Variants in SEPTIN1 observed in about 807,000 individuals in gnomAD.
SEPTIN1 encodes the protein septin 1, also known as septin-1.
In SEPTIN1, 52 loss-of-function variants were observed where a neutral mutation model predicts 50.7. That is an observed-to-expected ratio of 1.03 (90% CI 0.82 to 1.29). SEPTIN1 has a LOEUF of 1.29. SEPTIN1 is among the 50% of genes most tolerant of loss of function. SEPTIN1 has a pLI of 0.00. For synonymous variants in SEPTIN1, 204 were observed against 189.1 expected, an observed-to-expected ratio of 1.08 and a Z score of -0.65; for missense variants, 455 against 490.7, an observed-to-expected ratio of 0.93 and a Z score of 0.69.
At position 30,381,224 on chromosome 16, in the gene SEPTIN1, G is replaced by C; in HGVS notation, c.476C>G (p.Ala159Gly). 1 of 1,614,004 alleles carries C rather than the reference G, an allele frequency of 6.2e-7. No individual in the cohort carries two copies. Among genetic ancestry groups the C allele is most frequent in the Non-Finnish European group, 8.5e-7 (1 of 1,179,978 alleles). Residue 159 changes from alanine to glycine, a missense_variant, in exon 6 of 11, where the codon GCC becomes GGC. Physicochemically the swap from Ala to Gly is moderately conservative, Grantham distance 60. Coordinates refer to ENST00000321367, the MANE Select transcript of SEPTIN1 (RefSeq NM_001365977.2). The surrounding 1 kb of genome is among the most constrained non-coding windows in gnomAD (Gnocchi z 4.3). ...FGRGLRPLDV[A>G]FLRAVHEKVN... ...TTTCTCGTGTACTGCCCGGAGGAAG[G>C]CCACATCTAGGGGCCGGAGCCTGCA...
intron 8 of SEPTIN1, 67 bp from the exon 9 acceptor site, chr16:30,379,250 C>T (rs1207803503): frequency 1.9e-6 from 3 of 1,584,908 alleles, no homozygotes; most frequent in East Asian, 4.5e-5. Flanking sequence ...CCGTAAGGGT[C>T]GGGTCTACAG....
upstream of SEPTIN1, chr16:30,382,593 G>A (rs1567426897): frequency 1.9e-6 from 3 of 1,562,380 alleles, no homozygotes; most frequent in African/African-American, 4.1e-5. This position sits in a 1 kb window ranked among gnomAD's most constrained non-coding sequence, Gnocchi z 4.8. Context: ...AGGAAGCTGA[G>A]TGCGGCTAAC....
At position 30,381,998 on chromosome 16, in the gene SEPTIN1, A is replaced by C; in HGVS notation, c.196+95T>G. 1 of 1,603,010 alleles carries C rather than the reference A, an allele frequency of 6.2e-7. No homozygotes were observed. The highest frequency in any genetic ancestry group is 1.1e-5 in the South Asian group (1 of 90,512). ...TCCCAGGGGAGGAAAGTCTCAGAAAAAAAGCAGTCAACTACCTGAGTCCCC... is the reference window on the plus strand; with the variant it reads ...TCCCAGGGGAGGAAAGTCTCAGAAACAAAGCAGTCAACTACCTGAGTCCCC... On this transcript the variant is annotated intron_variant, in intron 3 of 10. Transcript: ENST00000321367. This position sits in a 1 kb window ranked among gnomAD's most constrained non-coding sequence, Gnocchi z 4.3.
At chr16:30,378,773 G>A in intron 9 of SEPTIN1, 73 bp from the exon 10 acceptor site, 6 of 1,454,990 alleles carry the variant, frequency 4.1e-6, no homozygotes, top group South Asian at 1.2e-5. Context: ...AGGAGGCAGG[G>A]CCTGGGGCGA....
In SEPTIN1 at chr16:30,378,624, C is replaced by G. The variant is rs766212898; in HGVS notation, c.1018G>C (p.Glu340Gln). The change falls in exon 10 of 11, where the codon GAG (glutamate) becomes CAG (glutamine). Residue 340 changes from glutamate to glutamine, a missense_variant. Coordinates refer to ENST00000321367, the MANE Select transcript of SEPTIN1 (RefSeq NM_001365977.2). Reference sequence around the variant, plus strand: ...TGCGTGCTCACCTCTTCGTCTTTCTCGCGGATCAGCTTCTCGGTGTCCGCC... The same window carrying G: ...TGCGTGCTCACCTCTTCGTCTTTCTGGCGGATCAGCTTCTCGGTGTCCGCC... ...PLADTEKLIR[E>Q]KDEELRRMQE... The G allele has an allele frequency of 3.1e-6, 5 of 1,611,144 alleles. No individual in the cohort carries two copies. Among genetic ancestry groups the G allele is most frequent in the African/African-American group, 1.3e-5 (1 of 74,866 alleles).
chr16:30,382,790 A>T (rs964800514), upstream of SEPTIN1: 2 of 1,535,684 alleles, frequency 1.3e-6, no homozygotes, highest in African/African-American at 1.4e-5. The surrounding 1 kb of genome is among the most constrained non-coding windows in gnomAD (Gnocchi z 4.8). Flanking sequence ...TAGCTCCATC[A>T]TCGTGGTGAG....
chr16:30,378,334 C>T lies in SEPTIN1; in HGVS notation c.*100G>A. The T allele has an allele frequency of 8.4e-7, 1 of 1,189,036 alleles. No homozygotes were observed. The highest frequency in any genetic ancestry group is 1.2e-6 in the Non-Finnish European group (1 of 867,568). 73.7% of individuals were successfully genotyped at this position (1,189,036 alleles called of 1,614,324 possible). ...CCCCTAGCCCGCGCGAGGGCGGCAC[C>T]CGCGGAGGTCCCGGGGGGCGCTGGG... On this transcript the variant is annotated 3_prime_UTR_variant, in exon 11 of 11. Transcript: ENST00000321367.
chr16:30,379,239 C>G lies in SEPTIN1; in HGVS notation c.776-56G>C. On this transcript the variant is annotated intron_variant, in intron 8 of 10. Coordinates refer to ENST00000321367, the MANE Select transcript of SEPTIN1 (RefSeq NM_001365977.2). Reference sequence around the variant, plus strand: ...GTCAGGGAGTTTCGGGTCCAACCCACCCGTAAGGGTCGGGTCTACAGGAAA... The same window carrying G: ...GTCAGGGAGTTTCGGGTCCAACCCAGCCGTAAGGGTCGGGTCTACAGGAAA... 2.5e-6 allele frequency: 4 copies of G among 1,600,618 alleles called. No homozygotes were observed. In the Admixed American group the frequency reaches 6.7e-5, roughly 27 times the overall value.
chr16:30,379,843 G>T, intron 7 of SEPTIN1, 89 bp downstream of exon 7: 1 of 747,514 alleles, frequency 1.3e-6, no homozygotes, highest in Non-Finnish European at 2.3e-6. Flanking sequence ...CTGACCTCAG[G>T]GGATCCTCCC....
At position 30,378,481 on chromosome 16, in the gene SEPTIN1, G is replaced by C. The variant is rs2049783192; in HGVS notation, c.1072C>G (p.Gln358Glu). 3.2e-6 allele frequency: 5 copies of C among 1,576,646 alleles called. No homozygotes were observed. The highest frequency in any genetic ancestry group is 3.4e-6 in the Non-Finnish European group (4 of 1,162,656). Residue 358 changes from glutamine (Q) to glutamate (E), a missense_variant, in exon 11 of 11, where the codon CAA (glutamine) becomes GAA (glutamate). Transcript: ENST00000321367. ...MQEMLEKMQA[Q>E]MQQSQAQGEQ... is the part of the protein sequence containing the mutation. ...CCCTGGGCCTGGCTCTGCTGCATTT[G>C]GGCCTGCATCTTCTCCAGCATCTCT...
rs368818440 is a variant in SEPTIN1, at chr16:30,381,448, C to T, written c.346G>A (p.Glu116Lys). The T allele has an allele frequency of 1.4e-5, 23 of 1,613,834 alleles. No homozygotes were observed. The highest frequency in any genetic ancestry group is 1.8e-5 in the Non-Finnish European group (21 of 1,180,004). Residue 116 changes from glutamate (E) to lysine (K), a missense_variant, in exon 5 of 11, where the codon GAG (glutamate) becomes AAG (lysine). Glu to Lys is a moderately conservative substitution (Grantham distance 56). Transcript: ENST00000321367. The surrounding 1 kb of genome is among the most constrained non-coding windows in gnomAD (Gnocchi z 4.3). Reference sequence around the variant, plus strand: ...CTAAGGTACTGCTCAAATTGCTCCTCGATGAATTTCACCACCGGAAGCCAG... The same window carrying T: ...CTAAGGTACTGCTCAAATTGCTCCTTGATGAATTTCACCACCGGAAGCCAG... ...DCWLPVVKFI[E>K]EQFEQYLRDE...
rs1430855200 is a variant in SEPTIN1, at chr16:30,381,086, G to T, written c.573+41C>A. 4 of 1,466,532 alleles carry T rather than the reference G, an allele frequency of 2.7e-6. No individual in the cohort carries two copies. The highest frequency in any genetic ancestry group is 2.9e-6 in the Non-Finnish European group (3 of 1,045,258). 90.8% of individuals were successfully genotyped at this position (1,466,532 alleles called of 1,614,324 possible). ...AGAAGTCTAAGCTGAAATCAGGTTT[G>T]GCTTCACATGGGGTCAAAGGTCAGA... On this transcript the variant is annotated intron_variant, in intron 6 of 10. Coordinates refer to ENST00000321367, the MANE Select transcript of SEPTIN1 (RefSeq NM_001365977.2). This position sits in a 1 kb window ranked among gnomAD's most constrained non-coding sequence, Gnocchi z 4.3.
chr16:30,379,295 G>A (rs2049804925), intron 8 of SEPTIN1, 112 bp from the exon 9 acceptor site: 14 of 1,477,898 alleles, frequency 9.5e-6, no homozygotes, highest in Middle Eastern at 1.8e-4. Context: ...GAGGGTCCGC[G>A]GTCTGCAGCC....
Position 30,382,007 on chromosome 16 carries a change from C to G in SEPTIN1, c.196+86G>C, listed in dbSNP as rs923726327. The G allele has an allele frequency of 5.6e-6, 9 of 1,601,144 alleles. No homozygotes were observed. In the African/African-American group the frequency reaches 1.2e-4, roughly 21 times the overall value. On this transcript the variant is annotated intron_variant, in intron 3 of 10. Coordinates refer to ENST00000321367, the MANE Select transcript of SEPTIN1 (RefSeq NM_001365977.2). This position sits in a 1 kb window ranked among gnomAD's most constrained non-coding sequence, Gnocchi z 4.8. ...AGGAAAGTCTCAGAAAAAAAGCAGTCAACTACCTGAGTCCCCAGATGGAAA... is the reference window on the plus strand; with the variant it reads ...AGGAAAGTCTCAGAAAAAAAGCAGTGAACTACCTGAGTCCCCAGATGGAAA...
In SEPTIN1 at chr16:30,378,205, A is replaced by C. The variant is rs2049775743; in HGVS notation, c.*229T>G. Reference sequence around the variant, plus strand: ...AGAAGGGGGACTCCGGAAGACAGTGATGCGGTCGGAGATTGTGCAGGCCCC... The same window carrying C: ...AGAAGGGGGACTCCGGAAGACAGTGCTGCGGTCGGAGATTGTGCAGGCCCC... On this transcript the variant is annotated 3_prime_UTR_variant, in exon 11 of 11. Transcript: ENST00000321367. 1.5e-6 allele frequency: 1 copy of C among 688,542 alleles called. No homozygotes were observed. The highest frequency in any genetic ancestry group is 2.6e-6 in the Non-Finnish European group (1 of 384,668). 42.7% of individuals were successfully genotyped at this position (688,542 alleles called of 1,614,324 possible). A position where few individuals can be genotyped will look rare whatever the true frequency, so the allele number is the denominator to read the frequency against.
rs2049840277 is a variant in SEPTIN1, at chr16:30,381,054, A to C, written c.573+73T>G. 8.2e-7 allele frequency: 1 copy of C among 1,223,846 alleles called. No individual in the cohort carries two copies. The highest frequency in any genetic ancestry group is 2.3e-5 in the East Asian group (1 of 43,062). 75.8% of individuals were successfully genotyped at this position (1,223,846 alleles called of 1,614,324 possible). On this transcript the variant is annotated intron_variant, in intron 6 of 10. Coordinates refer to ENST00000321367, the MANE Select transcript of SEPTIN1 (RefSeq NM_001365977.2). The surrounding 1 kb of genome is among the most constrained non-coding windows in gnomAD (Gnocchi z 4.3). ...ACCATGCTCCAGAAAGGCCACTTCAAGATCAAAGAAGTCTAAGCTGAAATC... is the reference window on the plus strand; with the variant it reads ...ACCATGCTCCAGAAAGGCCACTTCACGATCAAAGAAGTCTAAGCTGAAATC...
Position 30,381,326 on chromosome 16 carries a change from C to T in SEPTIN1, c.455+13G>A, listed in dbSNP as rs773826832. 3 of 1,593,882 alleles carry T rather than the reference C, an allele frequency of 1.9e-6. No homozygotes were observed. The highest frequency in any genetic ancestry group is 2.2e-5 in the South Asian group (2 of 90,580). ...CCCTAAATGCGCCAGCCCCCAGGAT[C>T]CCCCCACCAGACCCCCGGCCGAAGG... is the stretch of plus-strand genomic sequence containing the variant. On this transcript the variant is annotated intron_variant, in intron 5 of 10. Transcript: ENST00000321367. The surrounding 1 kb of genome is among the most constrained non-coding windows in gnomAD (Gnocchi z 4.3).
intron 9 of SEPTIN1, 23 bp downstream of exon 9, chr16:30,378,995 A>T: frequency 6.2e-7 from 1 of 1,608,140 alleles, no homozygotes; most frequent in Non-Finnish European, 8.5e-7. Flanking sequence ...GGAGGCTCTG[A>T]TACTGTCCGC....
chr16:30,382,153 G>C lies in SEPTIN1; in HGVS notation c.136C>G (p.Leu46Val). Residue 46 changes from leucine (L) to valine (V), a missense_variant, in exon 3 of 11, where the codon CTC becomes GTC. By Grantham distance (32) the Leu-to-Val change is conservative (BLOSUM62 1). Transcript: ENST00000321367. This position sits in a 1 kb window ranked among gnomAD's most constrained non-coding sequence, Gnocchi z 4.8. ...AGESGLGKST[L>V]INSLFLTNLY... ...TTGGTGAGGAAGAGGCTGTTGATGA[G>C]GGTGGATTTCCCTAGGCCTGACTCC... The C allele has an allele frequency of 1.9e-6, 3 of 1,601,742 alleles. No homozygotes were observed. Among genetic ancestry groups the C allele is most frequent in the Non-Finnish European group, 2.6e-6 (3 of 1,174,150 alleles).
Sources: gnomAD v4.1 joint callset for allele counts on GRCh38, gnomAD v4.1.1 for gene constraint, Gnocchi (gnomAD v3.1) non-coding constraint, MANE v1.5 for transcripts, NCBI Gene and HGNC (gene_info 2026-07-23, HGNC 2026-07-21) for gene names.